The following ZMYND10 variants were observed in gnomAD, a reference collection of about 807,000 sequenced individuals.
ZMYND10 encodes the protein zinc finger MYND domain-containing protein 10.
ZMYND10 carries 52 observed loss-of-function variants against 62.6 expected under a neutral mutation model. The observed-to-expected ratio is 0.83, with a 90% CI of 0.67 to 1.05. The LOEUF is 1.05. ZMYND10 is among the 50% of genes least tolerant of loss of function. The probability of loss-of-function intolerance (pLI) is 0.00; values close to 1 mark genes in which losing one functional copy is unlikely to be tolerated. For synonymous variants in ZMYND10, 197 were observed against 218.5 expected (o/e 0.90, Z 0.87); for missense variants, 438 against 543.3 (o/e 0.81, Z 1.93).
rs1050210196 is a variant in ZMYND10, at chr3:50,341,951, A to G, written c.1000-20T>C. On this transcript the variant is annotated intron_variant, in intron 9 of 11. Coordinates refer to ENST00000231749, the MANE Select transcript of ZMYND10 (RefSeq NM_015896.4). The stretch of plus-strand genomic sequence containing the variant: ...TGGGATCTAGGAGAGAGAAGTGGAG[A>G]GTGGCAGGAAGGTGCTGGTAAAGTG... The G allele has an allele frequency of 5.6e-6, 9 of 1,614,018 alleles. No homozygotes were observed. Among genetic ancestry groups the G allele is most frequent in the Middle Eastern group, 1.6e-4 (1 of 6,080 alleles).
rs979068146 is a variant in ZMYND10 at position 50,345,309 on chromosome 3, C to G, written c.93-77G>C. 6.5e-7 allele frequency: 1 copy of G among 1,541,158 alleles called. No homozygotes were observed. The highest frequency in any genetic ancestry group is 1.9e-5 in the Admixed American group (1 of 52,628). ...GGATGGGGGCTGGATCCTACTGAAG[C>G]CTAACCTGATCCTGAGGGGACACAG... On this transcript the variant is annotated intron_variant, in intron 1 of 11. Transcript: ENST00000231749. This position sits in a 1 kb window ranked among gnomAD's most constrained non-coding sequence, Gnocchi z 5.0.
At position 50,342,124 on chromosome 3, in the gene ZMYND10, G is replaced by A. The variant is rs770216425; in HGVS notation, c.890C>T (p.Thr297Ile). 6.2e-7 allele frequency: 1 copy of A among 1,611,708 alleles called. No individual in the cohort carries two copies. Among genetic ancestry groups the A allele is most frequent in the Non-Finnish European group, 8.5e-7 (1 of 1,179,012 alleles). Residue 297 changes from threonine to isoleucine, a missense_variant, in exon 9 of 12, where the codon ACA becomes ATA. Coordinates refer to ENST00000231749, the MANE Select transcript of ZMYND10 (RefSeq NM_015896.4). ...GRLLKLRAFLTDTLLDQLPNL... is the reference protein window; with the variant it reads ...GRLLKLRAFLIDTLLDQLPNL... The stretch of plus-strand genomic sequence containing the variant: ...GGGCAGCTGGTCCAGCAGTGTGTCT[G>A]TGAGGAAGGCCCGAAGCTGCAAGGG...
chr3:50,341,590 C>CGA lies in ZMYND10; in HGVS notation c.1230_1231insTC (p.Glu411SerfsTer37). On this transcript the variant is annotated frameshift_variant, in exon 11 of 12. Coordinates refer to ENST00000231749, the MANE Select transcript of ZMYND10 (RefSeq NM_015896.4). LOFTEE classifies it high-confidence loss of function. ...TACCCTCACCTGCAGCAATACCACT[C>CGA]ATTCTGGCATCGTGAGCAGCGCTTA... 6.2e-7 allele frequency: 1 copy of CGA among 1,614,242 alleles called. No homozygotes were observed. The highest frequency in any genetic ancestry group is 8.5e-7 in the Non-Finnish European group (1 of 1,180,044).
chr3:50,345,533 A>C lies in ZMYND10; in HGVS notation c.47T>G (p.Val16Gly), dbSNP rs138815960. 413 of 1,609,790 alleles carry C rather than the reference A, an allele frequency of 2.6e-4. 1 individual carries two copies. Among genetic ancestry groups the C allele is most frequent in the Non-Finnish European group, 3.3e-4 (389 of 1,178,662 alleles). ...LLLPGEAEVL[V>G]RGLRSFPLRE... ...TAGCGGGAAGCTGCGCAGACCCCGCACCAGCACTTCAGCTTCCCCGGGCAG... is the reference window on the plus strand; with the variant it reads ...TAGCGGGAAGCTGCGCAGACCCCGCCCCAGCACTTCAGCTTCCCCGGGCAG... Residue 16 changes from valine (V) to glycine (G), a missense_variant, in exon 1 of 12, where the codon GTG becomes GGG. Val to Gly is a moderately radical substitution (Grantham distance 109). Transcript: ENST00000231749. The surrounding 1 kb of genome is among the most constrained non-coding windows in gnomAD (Gnocchi z 5.0).
Position 50,342,096 on chromosome 3 carries a change from G to T in ZMYND10, c.918C>A (p.Asn306Lys). ...LTDTLLDQLP[N>K]LAHLQSFLAH... is the part of the protein sequence containing the mutation. ...CCAGGAAACTCTGCAAGTGGGCCAG[G>T]TTGGGCAGCTGGTCCAGCAGTGTGT... is the stretch of plus-strand genomic sequence containing the variant. Residue 306 changes from asparagine (N) to lysine (K), a missense_variant, in exon 9 of 12, where the codon AAC becomes AAA. Physicochemically the swap from Asn to Lys is moderately conservative, Grantham distance 94 (BLOSUM62 0). Transcript: ENST00000231749. 6.2e-7 allele frequency: 1 copy of T among 1,613,850 alleles called. No individual in the cohort carries two copies. The highest frequency in any genetic ancestry group is 8.5e-7 in the Non-Finnish European group (1 of 1,179,914).
At position 50,345,039 on chromosome 3, in the gene ZMYND10, G is replaced by A. The variant is rs1703501313; in HGVS notation, c.201+85C>T. The A allele has an allele frequency of 2.6e-6, 3 of 1,134,162 alleles. No homozygotes were observed. Among genetic ancestry groups the A allele is most frequent in the Admixed American group, 4.0e-5 (2 of 49,480 alleles). The allele number at this position is 1,134,162 out of a possible 1,614,324, so 70.3% of individuals were successfully genotyped here. On this transcript the variant is annotated intron_variant, in intron 2 of 11. Coordinates refer to ENST00000231749, the MANE Select transcript of ZMYND10 (RefSeq NM_015896.4). This position sits in a 1 kb window ranked among gnomAD's most constrained non-coding sequence, Gnocchi z 5.0. ...GGAGAACAGGTGTACCAGGCCAGAG[G>A]GGAAGGGCACACAGGGGACTCCGGA...
In ZMYND10 at chr3:50,343,428, G is replaced by A. The variant is rs1271170287; in HGVS notation, c.389C>T (p.Ala130Val). The change falls in exon 5 of 12, where the codon GCA (alanine) becomes GTA (valine). Residue 130 changes from alanine (A) to valine (V), a missense_variant. Physicochemically the swap from Ala to Val is moderately conservative, Grantham distance 64. Coordinates refer to ENST00000231749, the MANE Select transcript of ZMYND10 (RefSeq NM_015896.4). ...TACCAAGTCCAAGACAGTGTCTTCT[G>A]CTGACTCACACACCTCCTGGGAAAA... Reference protein sequence around the residue: ...VFFHKEVCESAEDTVLDLVDY... With the variant: ...VFFHKEVCESVEDTVLDLVDY... 6.2e-7 allele frequency: 1 copy of A among 1,612,474 alleles called. No individual in the cohort carries two copies. Among genetic ancestry groups the A allele is most frequent in the East Asian group, 2.2e-5 (1 of 44,854 alleles).
At chr3:50,343,707 G>A (rs1317812001) in intron 3 of ZMYND10, 27 bp downstream of exon 3, 1 of 1,613,880 alleles carries the variant, frequency 6.2e-7, no homozygotes, top group Admixed American at 1.7e-5. Flanking sequence ...GGAGTGAGAA[G>A]AGGTATGAAC....
In ZMYND10 at chr3:50,341,207, T is replaced by C; in HGVS notation, c.*203A>G. The C allele has an allele frequency of 1.5e-6, 1 of 684,052 alleles. No homozygotes were observed. The highest frequency in any genetic ancestry group is 2.4e-6 in the Non-Finnish European group (1 of 410,284). 42.4% of individuals were successfully genotyped at this position (684,052 alleles called of 1,614,324 possible). ...GTTTGCTGAAGCAACACACTTGGCC[T>C]ACCCACTGGGTGGGGCAGGAAGTCT... On this transcript the variant is annotated 3_prime_UTR_variant, in exon 12 of 12. Transcript: ENST00000231749.
chr3:50,344,460 A>G (rs1402691664), intron 2 of ZMYND10, among the ~76,000 whole-genome samples: 1 of 151,666 alleles, frequency 6.6e-6, no homozygotes, highest in East Asian at 1.9e-4. Flanking sequence ...CTGGGATTAC[A>G]GGTGTGCACC....
chr3:50,343,911 C>T (rs1455264344), intron 2 of ZMYND10, 61 bp from the exon 3 acceptor site: 8 of 1,485,090 alleles, frequency 5.4e-6, no homozygotes, highest in Non-Finnish European at 7.5e-6. Context: ...GGCAACCCTC[C>T]CATCCCCGGC....
Position 50,341,261 on chromosome 3 carries a change from G to C in ZMYND10, c.*149C>G. ...GCCTTCACTTGGGGTGAGGAGGAGG[G>C]AGATCGGTCAGCAGCTTTACCGCCC... On this transcript the variant is annotated 3_prime_UTR_variant, in exon 12 of 12. Transcript: ENST00000231749. 2.1e-6 allele frequency: 2 copies of C among 938,304 alleles called. No individual in the cohort carries two copies. The highest frequency in any genetic ancestry group is 3.2e-5 in the South Asian group (2 of 63,286). The allele number at this position is 938,304 out of a possible 1,614,324, so 58.1% of individuals were successfully genotyped here. A position where few individuals can be genotyped will look rare whatever the true frequency, so the allele number is the denominator to read the frequency against.
Position 50,341,232 on chromosome 3 carries a change from T to C in ZMYND10, c.*178A>G, listed in dbSNP as rs1703359947. The C allele has an allele frequency of 1.3e-6, 1 of 787,050 alleles. No individual in the cohort carries two copies. The highest frequency in any genetic ancestry group is 1.7e-5 in the African/African-American group (1 of 57,632). The allele number at this position is 787,050 out of a possible 1,614,324, so 48.8% of individuals were successfully genotyped here. ...TACCCACTGGGTGGGGCAGGAAGTC[T>C]CGAGCCTTCACTTGGGGTGAGGAGG... On this transcript the variant is annotated 3_prime_UTR_variant, in exon 12 of 12. Coordinates refer to ENST00000231749, the MANE Select transcript of ZMYND10 (RefSeq NM_015896.4).
At position 50,345,689 on chromosome 3, in the gene ZMYND10, G is replaced by C; in HGVS notation, c.-110C>G. 34 of 1,508,652 alleles carry C rather than the reference G, an allele frequency of 2.3e-5. No individual in the cohort carries two copies. Among genetic ancestry groups the C allele is most frequent in the Non-Finnish European group, 3.0e-5 (34 of 1,126,326 alleles). 93.5% of individuals were successfully genotyped at this position (1,508,652 alleles called of 1,614,324 possible). ...CAAAGTCTGGGACAGGACAGTTGCG[G>C]GACGGTTGGGGAGCGTCAGTTCTCG... On this transcript the variant is annotated 5_prime_UTR_variant, in exon 1 of 12. Coordinates refer to ENST00000231749, the MANE Select transcript of ZMYND10 (RefSeq NM_015896.4). The surrounding 1 kb of genome is among the most constrained non-coding windows in gnomAD (Gnocchi z 5.0).
intron 4 of ZMYND10, 45 bp downstream of exon 4, chr3:50,343,518 G>A (rs1471403672): frequency 6.2e-7 from 1 of 1,614,146 alleles, no homozygotes; most frequent in African/African-American, 1.3e-5. Context: ...TTCCTGCCAG[G>A]CCCTGACCCG....
intron 2 of ZMYND10, among the ~76,000 whole-genome samples, chr3:50,344,481 G>A (rs940537406): frequency 1.3e-5 from 2 of 151,904 alleles, no homozygotes; most frequent in African/African-American, 4.8e-5. Flanking sequence ...ACCATGCTCT[G>A]CAAATTTTTG....
chr3:50,341,416 G>A lies in ZMYND10; in HGVS notation c.1317C>T (p.Ala439=), dbSNP rs762811169. 2 of 1,614,192 alleles carry A rather than the reference G, an allele frequency of 1.2e-6. No individual in the cohort carries two copies. Among genetic ancestry groups the A allele is most frequent in the East Asian group, 4.5e-5 (2 of 44,880 alleles). ...CCCTCAGCAACTGCAGCCCTCATTT[G>A]GCTCTGTCACCCTGGGCTGCCAGGA... ...TCVLAAQGDR[A]K Residue 439 remains alanine (A), a synonymous_variant, in exon 12 of 12, where the codon GCC becomes GCT. Coordinates refer to ENST00000231749, the MANE Select transcript of ZMYND10 (RefSeq NM_015896.4).
At position 50,341,557 on chromosome 3, in the gene ZMYND10, T is replaced by G; in HGVS notation, c.1247+17A>C. 6.2e-7 allele frequency: 1 copy of G among 1,614,158 alleles called. No homozygotes were observed. The highest frequency in any genetic ancestry group is 1.3e-5 in the African/African-American group (1 of 75,038). On this transcript the variant is annotated intron_variant, in intron 11 of 11. Coordinates refer to ENST00000231749, the MANE Select transcript of ZMYND10 (RefSeq NM_015896.4). Reference sequence around the variant, plus strand: ...GGGAGTAGGGCTTAGAGGTCCAAGGTTCTAGGATACCCTCACCTGCAGCAA... The same window carrying G: ...GGGAGTAGGGCTTAGAGGTCCAAGGGTCTAGGATACCCTCACCTGCAGCAA...
rs1166217858 is a variant in ZMYND10 at position 50,343,372 on chromosome 3, C to A, written c.445G>T (p.Val149Leu). The A allele has an allele frequency of 1.2e-6, 2 of 1,613,722 alleles. No homozygotes were observed. Among genetic ancestry groups the A allele is most frequent in the Admixed American group, 3.3e-5 (2 of 59,984 alleles). Residue 149 changes from valine (V) to leucine (L), a missense_variant, in exon 5 of 12, where the codon GTG (valine) becomes TTG (leucine). Transcript: ENST00000231749. ...GGGCCACCACAGCCACTCTGGGCCA[C>A]CAGCAGGGTCAGTTTGCGGTGGCAA... is the stretch of plus-strand genomic sequence containing the variant. ...DYCHRKLTLL[V>L]AQSGCGGPPE...
Sources: gnomAD v4.1 joint callset for allele counts (sites outside exome capture counted in the v4.1 genomes callset) on GRCh38, gnomAD v4.1.1 for gene constraint, Gnocchi (gnomAD v3.1) non-coding constraint, MANE v1.5 for transcripts, NCBI Gene and HGNC (gene_info 2026-07-23, HGNC 2026-07-21) for gene names.